Variants in NCAPG2 observed in about 807,000 individuals in gnomAD.
The protein encoded by NCAPG2 is non-SMC condensin II complex subunit G2.
NCAPG2 carries 53 observed loss-of-function variants against 141.1 expected under a neutral mutation model. That is an observed-to-expected ratio of 0.38 (90% CI 0.30 to 0.47). The LOEUF is 0.47. Among genes scored for constraint, NCAPG2 ranks in the 20% least tolerant of loss-of-function variants. NCAPG2 has a pLI of 0.99. For missense variants in NCAPG2, 1,087 were observed against 1,389.0 expected (o/e 0.78, Z 3.46); for synonymous variants, 499 against 490.7 (o/e 1.02, Z -0.22).
chr7:158,688,794 C>CAT (rs1834941598), intron 6 of NCAPG2, among the ~76,000 whole-genome samples: 1 of 152,232 alleles, frequency 6.6e-6, no homozygotes, highest in African/African-American at 2.4e-5. Context: ...GTCCTAATCA[C>CAT]ATGGCCCTTT....
intron 5 of NCAPG2, 25 bp from the exon 6 acceptor site, chr7:158,689,978 T>TA: frequency 6.7e-7 from 1 of 1,483,106 alleles, no homozygotes; most frequent in Non-Finnish European, 8.9e-7. Flanking sequence ...AAAAATGTGA[T>TA]ACCTTTTTCA....
At chr7:158,672,537 T>C (rs1833807789) in intron 12 of NCAPG2, among the ~76,000 whole-genome samples, 1 of 151,158 alleles carries the variant, frequency 6.6e-6, no homozygotes, top group Non-Finnish European at 1.5e-5. Flanking sequence ...GAGACGGGGT[T>C]TTACCTTGTT....
chr7:158,648,941 A>G (rs548432787), intron 24 of NCAPG2, among the ~76,000 whole-genome samples: 2,186 of 150,190 alleles, frequency 0.015, 70 homozygotes, highest in African/African-American at 0.052. Context: ...ATGGACTATA[A>G]CCACGGCAAA....
At chr7:158,671,291 G>A (rs1420424840) in intron 13 of NCAPG2, among the ~76,000 whole-genome samples, 1 of 152,134 alleles carries the variant, frequency 6.6e-6, no homozygotes, top group Non-Finnish European at 1.5e-5. Context: ...AAAATACAAT[G>A]GAAGGCAGGG....
intron 13 of NCAPG2, among the ~76,000 whole-genome samples, chr7:158,666,325 C>T (rs974437271): frequency 5.3e-5 from 8 of 152,166 alleles, no homozygotes; most frequent in Admixed American, 4.6e-4. Context: ...TTACTTCTGA[C>T]AGCGAGGTAT....
chr7:158,666,187 A>G (rs778249777), intron 13 of NCAPG2, among the ~76,000 whole-genome samples: 15 of 152,194 alleles, frequency 9.9e-5, no homozygotes, highest in Admixed American at 7.9e-4. Context: ...TTAAGAGGAC[A>G]AGAAAGAGAA....
chr7:158,692,686 A>G (rs541505078), intron 4 of NCAPG2, among the ~76,000 whole-genome samples, 156 bp downstream of exon 4: 2 of 152,266 alleles, frequency 1.3e-5, no homozygotes, highest in Non-Finnish European at 2.9e-5. Flanking sequence ...GGTTGCGGTG[A>G]GCTGAGATCG....
intron 13 of NCAPG2, among the ~76,000 whole-genome samples, chr7:158,669,090 G>A (rs1326328994): frequency 1.3e-5 from 2 of 152,256 alleles, no homozygotes; most frequent in East Asian, 3.9e-4. Flanking sequence ...TCCCTGCAAA[G>A]AACATGATCT....
At chr7:158,678,103 T>C (rs1373065780) in intron 11 of NCAPG2, among the ~76,000 whole-genome samples, 1 of 44,866 alleles carries the variant, frequency 2.2e-5, no homozygotes, top group African/African-American at 9.1e-5. Context: ...AGACCCTTTT[T>C]TATTTTAAAA....
rs560534953 is a variant in NCAPG2 at position 158,699,148 on chromosome 7, C to T, written c.78+2674G>A. 5.9e-5 allele frequency among the ~76,000 whole-genome samples: 9 copies of T among 152,172 alleles called. No homozygotes were observed. The South Asian group carries it at 1.9e-3, about 32-fold the overall frequency. ...TTCCTCTACCACTAGAACATAAACC[C>T]CCATTTGTGCAGAAACTTTTCTTTG... On this transcript the variant is annotated intron_variant, in intron 2 of 27. Transcript: ENST00000356309.
chr7:158,650,993 C>T, intron 23 of NCAPG2, 21 bp from the exon 24 acceptor site: 1 of 1,549,956 alleles, frequency 6.5e-7, no homozygotes, highest in Non-Finnish European at 8.7e-7. Flanking sequence ...ACACATACGT[C>T]ACTTTTAATG....
At chr7:158,634,126 G>A (rs1246871135) in intron 27 of NCAPG2, among the ~76,000 whole-genome samples, 31 of 151,988 alleles carry the variant, frequency 2.0e-4, no homozygotes, top group Admixed American at 1.6e-3. Flanking sequence ...AAAATGTTAC[G>A]TTAAAAGTAC....
chr7:158,692,476 A>G (rs998063957), intron 4 of NCAPG2, among the ~76,000 whole-genome samples: 3 of 152,208 alleles, frequency 2.0e-5, no homozygotes. Context: ...CCTTTTACAA[A>G]GTATCATTTC....
intron 12 of NCAPG2, among the ~76,000 whole-genome samples, chr7:158,672,659 ATAATTTTTTCAAAAAATTTCAAG>A (rs1833817868): frequency 6.6e-6 from 1 of 152,018 alleles, no homozygotes; most frequent in African/African-American, 2.4e-5. Flanking sequence ...TTTAATGACG[ATAATTTTTTCAAAAAATTTCAAG>A]TATATACAGC....
intron 27 of NCAPG2, among the ~76,000 whole-genome samples, chr7:158,637,726 C>G (rs555409632): frequency 3.9e-5 from 6 of 152,334 alleles, no homozygotes; most frequent in African/African-American, 1.2e-4. Context: ...CGGGTGGGGG[C>G]TCCTTCCTTG....
chr7:158,662,739 G>A (rs1832613920), intron 15 of NCAPG2, among the ~76,000 whole-genome samples: 1 of 152,108 alleles, frequency 6.6e-6, no homozygotes, highest in Admixed American at 6.6e-5. Context: ...AAATCTCGAT[G>A]CAGGGGGAGG....
rs762415661 is a variant in NCAPG2, at chr7:158,680,091, A to G, written c.1021-6T>C. 6.2e-7 allele frequency: 1 copy of G among 1,613,066 alleles called. No individual in the cohort carries two copies. The highest frequency in any genetic ancestry group is 1.1e-5 in the South Asian group (1 of 90,894). ...CGAACTTCAGAGTTTCTGGCCTATA[A>G]TAATAAAAGAAGAGTATCTCAGAAT... On this transcript the variant is annotated splice_region_variant and splice_polypyrimidine_tract_variant and intron_variant, in intron 10 of 27. Coordinates refer to ENST00000356309, the MANE Select transcript of NCAPG2 (RefSeq NM_017760.7).
chr7:158,676,420 C>A (rs1184848138), intron 11 of NCAPG2, among the ~76,000 whole-genome samples: 1 of 152,184 alleles, frequency 6.6e-6, no homozygotes, highest in East Asian at 1.9e-4. Context: ...AGTCATAGCA[C>A]ATGGGCCTTA....
At chr7:158,646,284 G>A (rs1831010652) in intron 25 of NCAPG2, among the ~76,000 whole-genome samples, 176 bp downstream of exon 25, 1 of 152,104 alleles carries the variant, frequency 6.6e-6, no homozygotes, top group Non-Finnish European at 1.5e-5. Context: ...CTCTGTGTAA[G>A]TTTAATGTAA....
Sources: allele counts gnomAD v4.1 joint callset (sites outside exome capture counted in the v4.1 genomes callset), GRCh38; gene constraint gnomAD v4.1.1; transcripts MANE v1.5; gene names NCBI Gene and HGNC (gene_info 2026-07-23, HGNC 2026-07-21).